The following QTMAN variants were observed in gnomAD, a reference collection of about 807,000 sequenced individuals.
QTMAN encodes tRNA-queuosine alpha-mannosyltransferase.
chr2:144,086,564 G>C, the QTMAN span, among the ~76,000 whole-genome samples: 19 of 152,086 alleles, frequency 1.2e-4, no homozygotes, highest in Middle Eastern at 3.4e-3. Flanking sequence ...CATAATTCTT[G>C]GGTTTAAATT....
At chr2:144,154,516 T>C in the QTMAN span, among the ~76,000 whole-genome samples, 2 of 152,192 alleles carry the variant, frequency 1.3e-5, no homozygotes, top group African/African-American at 2.4e-5. Flanking sequence ...AAGAGACATG[T>C]TTTGCAAATA....
chr2:144,156,435 C>T, the QTMAN span, among the ~76,000 whole-genome samples: 1 of 152,018 alleles, frequency 6.6e-6, no homozygotes, highest in Admixed American at 6.6e-5. Flanking sequence ...TGTTGTACAT[C>T]TGCAACAGAA....
chr2:144,137,911 A>G, the QTMAN span, among the ~76,000 whole-genome samples: 1 of 152,046 alleles, frequency 6.6e-6, no homozygotes, highest in Non-Finnish European at 1.5e-5. Flanking sequence ...CACTTTACTT[A>G]ACCTCGCTGC....
the QTMAN span, among the ~76,000 whole-genome samples, chr2:144,293,989 G>A: frequency 6.6e-6 from 1 of 152,078 alleles, no homozygotes; most frequent in Admixed American, 6.5e-5. Context: ...TGCCAATGGA[G>A]AATTTTTGTC....
chr2:144,306,890 G>A, the QTMAN span, among the ~76,000 whole-genome samples: 5 of 151,988 alleles, frequency 3.3e-5, no homozygotes, highest in African/African-American at 4.8e-5. Flanking sequence ...GGCTGGGCGC[G>A]GTGGCTCAGG....
chr2:144,039,230 G>A, the QTMAN span, among the ~76,000 whole-genome samples: 3 of 152,104 alleles, frequency 2.0e-5, no homozygotes, highest in African/African-American at 4.8e-5. Flanking sequence ...TTGAATATGC[G>A]AACGTGCTTT....
the QTMAN span, among the ~76,000 whole-genome samples, chr2:144,015,350 A>AT: frequency 5.3e-5 from 8 of 152,114 alleles, no homozygotes; most frequent in Non-Finnish European, 8.8e-5. Flanking sequence ...GGAAATCTTT[A>AT]TTTTCCTACC....
chr2:144,320,095 T>C, the QTMAN span, among the ~76,000 whole-genome samples: 1 of 152,080 alleles, frequency 6.6e-6, no homozygotes, highest in South Asian at 2.1e-4. Context: ...TTAAGAAGAC[T>C]AATATTTTGT....
chr2:144,133,249 A>AT, the QTMAN span, among the ~76,000 whole-genome samples: 1 of 64,380 alleles, frequency 1.6e-5, no homozygotes, highest in African/African-American at 8.6e-5. Flanking sequence ...ATATATAAAT[A>AT]TATATAAATA....
the QTMAN span, among the ~76,000 whole-genome samples, chr2:144,148,612 AGGGT>A: frequency 6.6e-6 from 1 of 151,862 alleles, no homozygotes; most frequent in East Asian, 1.9e-4. Flanking sequence ...GATTATCCTC[AGGGT>A]GGACTATCTA....
the QTMAN span, among the ~76,000 whole-genome samples, chr2:143,953,094 A>AT: frequency 5.7e-4 from 86 of 151,132 alleles, no homozygotes; most frequent in East Asian, 0.013. Flanking sequence ...GCAGCTCTGC[A>AT]TTTTTTTTTG....
At chr2:144,244,291 A>T in the QTMAN span, among the ~76,000 whole-genome samples, 11 of 152,218 alleles carry the variant, frequency 7.2e-5, no homozygotes, top group Non-Finnish European at 1.2e-4. Flanking sequence ...TTGCAAGGGA[A>T]GATGAGCAAC....
the QTMAN span, chr2:143,944,385 T>C: frequency 6.6e-6 from 1 of 152,212 alleles, no homozygotes; most frequent in African/African-American, 2.4e-5. Flanking sequence ...CAAATCTCGG[T>C]ATCATGCAAA....
the QTMAN span, among the ~76,000 whole-genome samples, chr2:144,015,767 A>C: frequency 1.3e-5 from 2 of 152,162 alleles, no homozygotes; most frequent in African/African-American, 4.8e-5. Flanking sequence ...ACTCCACTCA[A>C]GCAACAGGTT....
At chr2:144,149,766 C>T in the QTMAN span, among the ~76,000 whole-genome samples, 3 of 151,820 alleles carry the variant, frequency 2.0e-5, no homozygotes, top group African/African-American at 7.3e-5. Flanking sequence ...TTAAAGAATC[C>T]GAAACAGTTA....
the QTMAN span, among the ~76,000 whole-genome samples, chr2:144,214,760 T>C: frequency 6.6e-6 from 1 of 152,194 alleles, no homozygotes; most frequent in African/African-American, 2.4e-5. Context: ...GGAAAACTCA[T>C]ACGCCATACT....
chr2:143,972,282 G>A, the QTMAN span, among the ~76,000 whole-genome samples: 2 of 152,036 alleles, frequency 1.3e-5, no homozygotes, highest in African/African-American at 2.4e-5. Context: ...GATTCTCTAG[G>A]AAATACTTAG....
the QTMAN span, among the ~76,000 whole-genome samples, chr2:144,021,881 G>T: frequency 6.6e-6 from 1 of 152,066 alleles, no homozygotes; most frequent in South Asian, 2.1e-4. Context: ...GTGCGTGTGC[G>T]TCCATGCTTA....
At chr2:144,277,931 G>A in the QTMAN span, among the ~76,000 whole-genome samples, 1 of 152,038 alleles carries the variant, frequency 6.6e-6, no homozygotes, top group South Asian at 2.1e-4. Flanking sequence ...TTGCAATTAG[G>A]ATCTGCATAT....
Sources: gnomAD v4.1 joint callset for allele counts (sites outside exome capture counted in the v4.1 genomes callset) on GRCh38, gnomAD v4.1.1 for gene constraint, MANE v1.5 for transcripts, NCBI Gene and HGNC (gene_info 2026-07-23, HGNC 2026-07-21) for gene names.